OR51B5: variants seen among roughly 807,000 people sequenced by gnomAD.
The protein encoded by OR51B5 is olfactory receptor family 51 subfamily B member 5.
For missense variants in OR51B5, 456 were observed against 374.6 expected (o/e 1.22, Z -1.79); for synonymous variants, 186 against 144.8 (o/e 1.28, Z -2.04).
At chr11:5,351,682 T>A (rs776692494) in intron 1 of OR51B5, 1 of 1,614,158 alleles carries the variant, frequency 6.2e-7, no homozygotes, top group South Asian at 1.1e-5. Flanking sequence ...GCCCATGTAC[T>A]ATTTCTTAGC....
intron 1 of OR51B5, among the ~76,000 whole-genome samples, chr11:5,440,111 C>G (rs1026729157): frequency 3.9e-5 from 6 of 152,120 alleles, no homozygotes; most frequent in African/African-American, 7.2e-5. Context: ...TTTATTACCA[C>G]AAACAAAGTA....
chr11:5,489,045 G>T, intron 1 of OR51B5: 1 of 1,614,020 alleles, frequency 6.2e-7, no homozygotes, highest in Non-Finnish European at 8.5e-7. Flanking sequence ...TCTATGCTCT[G>T]GAGTCCTCAA....
intron 1 of OR51B5, among the ~76,000 whole-genome samples, chr11:5,410,398 G>A (rs569058721): frequency 6.6e-6 from 1 of 151,976 alleles, no homozygotes; most frequent in Non-Finnish European, 1.5e-5. Context: ...TATAGTAGAC[G>A]ATAAGATGTC....
At chr11:5,415,139 C>G (rs1229941614) in intron 1 of OR51B5, among the ~76,000 whole-genome samples, 1 of 152,118 alleles carries the variant, frequency 6.6e-6, no homozygotes, top group Non-Finnish European at 1.5e-5. Flanking sequence ...AACCACTCAA[C>G]TACATGGAAA....
At chr11:5,429,767 G>C (rs951914250) in intron 1 of OR51B5, among the ~76,000 whole-genome samples, 14 of 152,142 alleles carry the variant, frequency 9.2e-5, no homozygotes, top group Non-Finnish European at 2.9e-5. Flanking sequence ...ATAGAAAAAG[G>C]GTATAGCCAG....
chr11:5,477,798 T>C lies in OR51B5; in HGVS notation n.84+27771A>G, dbSNP rs561112915. Among the ~76,000 whole-genome samples the C allele has an allele frequency of 9.2e-5, 14 of 152,286 alleles. No homozygotes were observed. The East Asian group carries it at 2.7e-3, about 29-fold the overall frequency. On this transcript the variant is annotated intron_variant and non_coding_transcript_variant, in intron 1 of 4. Transcript: ENST00000415970. Reference sequence around the variant, plus strand: ...CACTCCCACCTGAATATTGCGCTTTTCGGACTGGCTTAAAAAACGGCGCAC... The same window carrying C: ...CACTCCCACCTGAATATTGCGCTTTCCGGACTGGCTTAAAAAACGGCGCAC...
downstream of OR51B5, chr11:5,340,912 T>C (rs1425647624): frequency 1.3e-5 from 2 of 152,200 alleles, no homozygotes; most frequent in East Asian, 3.8e-4. Flanking sequence ...TTTGGTTTTA[T>C]GAATGATTGA....
intron 1 of OR51B5, among the ~76,000 whole-genome samples, chr11:5,425,390 GAACT>G (rs1363460449): frequency 5.9e-5 from 9 of 152,178 alleles, no homozygotes; most frequent in South Asian, 2.1e-4. Context: ...GGTCAGAGAT[GAACT>G]AACAAGTCAA....
Position 5,357,967 on chromosome 11 carries a change from G to T in OR51B5, n.85-11057C>A, listed in dbSNP as rs7101402. Among the ~76,000 whole-genome samples, 790 of 152,146 alleles carry T rather than the reference G, an allele frequency of 5.2e-3. 7 individuals are homozygous for T. The highest frequency in any genetic ancestry group is 0.018 in the African/African-American group (740 of 41,478). The stretch of plus-strand genomic sequence containing the variant: ...AAGAGAACAAAGACACAACATACCA[G>T]AATCTCTGGGACACATTCAAAGCAG... On this transcript the variant is annotated intron_variant and non_coding_transcript_variant, in intron 1 of 4. Transcript: ENST00000415970.
At chr11:5,403,025 G>A (rs1266931965) in intron 1 of OR51B5, 1 of 471,578 alleles carries the variant, frequency 2.1e-6, no homozygotes, top group African/African-American at 2.0e-5. Flanking sequence ...ACACTGCCCA[G>A]GGTCTTTGGC....
intron 1 of OR51B5, among the ~76,000 whole-genome samples, chr11:5,481,435 T>A (rs529114484): frequency 2.6e-3 from 283 of 108,210 alleles, no homozygotes; most frequent in African/African-American, 0.01. Flanking sequence ...AGCATTCCCT[T>A]TGAAAACTGG....
chr11:5,425,946 A>C (rs1025707044), intron 1 of OR51B5, among the ~76,000 whole-genome samples: 1 of 152,234 alleles, frequency 6.6e-6, no homozygotes, highest in African/African-American at 2.4e-5. Context: ...AGAGACAGAA[A>C]ATTTGAAGTT....
At chr11:5,501,219 A>C (rs1188828798) in intron 1 of OR51B5, among the ~76,000 whole-genome samples, 1 of 147,568 alleles carries the variant, frequency 6.8e-6, no homozygotes, top group Non-Finnish European at 1.5e-5. Context: ...ACCTGGGAGA[A>C]AATGACTTCT....
intron 1 of OR51B5, among the ~76,000 whole-genome samples, chr11:5,491,256 C>A (rs1851576910): frequency 6.6e-6 from 1 of 152,194 alleles, no homozygotes; most frequent in Admixed American, 6.5e-5. Flanking sequence ...CAGATACAGT[C>A]ACATCCACAA....
At chr11:5,373,662 G>A (rs532705309) in intron 1 of OR51B5, among the ~76,000 whole-genome samples, 31 of 152,278 alleles carry the variant, frequency 2.0e-4, no homozygotes, top group Middle Eastern at 3.4e-3. Context: ...AGGAAATGGC[G>A]CACCAGGAGA....
At chr11:5,356,313 G>A (rs1295415649) in intron 1 of OR51B5, among the ~76,000 whole-genome samples, 1 of 151,914 alleles carries the variant, frequency 6.6e-6, no homozygotes, top group Non-Finnish European at 1.5e-5. Context: ...CAAGGCATGA[G>A]AACTACATGA....
At chr11:5,440,802 T>C (rs1237612655) in intron 1 of OR51B5, 1 of 1,613,800 alleles carries the variant, frequency 6.2e-7, no homozygotes, top group Non-Finnish European at 8.5e-7. Flanking sequence ...GTTGAGTGCC[T>C]TGAGCCGCTG....
intron 1 of OR51B5, among the ~76,000 whole-genome samples, chr11:5,474,989 A>G: frequency 6.6e-6 from 1 of 152,196 alleles, no homozygotes; most frequent in Non-Finnish European, 1.5e-5. Flanking sequence ...GGCCAGATAA[A>G]AGGAGGAGTA....
rs375423375 is a variant in OR51B5 at position 5,372,482 on chromosome 11, G to A, written n.85-25572C>T. Among the ~76,000 whole-genome samples the A allele has an allele frequency of 1.1e-3, 173 of 152,206 alleles. 2 individuals are homozygous for A. Among genetic ancestry groups the A allele is most frequent in the African/African-American group, 3.9e-3 (163 of 41,528 alleles). ...ATCTCAACAGGTGTGAGTGATACTT[G>A]TGGTTTTGATTTGCATTTTCCTGAT... On this transcript the variant is annotated intron_variant and non_coding_transcript_variant, in intron 1 of 4. Transcript: ENST00000415970.
Sources: gnomAD v4.1 joint callset for allele counts (sites outside exome capture counted in the v4.1 genomes callset) on GRCh38, gnomAD v4.1.1 for gene constraint, MANE v1.5 for transcripts, NCBI Gene and HGNC (gene_info 2026-07-23, HGNC 2026-07-21) for gene names.